ANKRD11: variants seen among roughly 807,000 people sequenced by gnomAD.
ANKRD11 encodes the protein ankyrin repeat domain 11, also known as ankyrin repeat domain-containing protein 11.
In ANKRD11, 17 loss-of-function variants were observed where a neutral mutation model predicts 195.7. The observed-to-expected ratio is 0.09, with a 90% CI of 0.06 to 0.13. The LOEUF is 0.13. ANKRD11 is among the 10% of genes least tolerant of loss of function. ANKRD11 has a pLI of 1.00. For missense variants in ANKRD11, 3,735 were observed against 3,566.1 expected, an observed-to-expected ratio of 1.05 and a Z score of -1.21; for synonymous variants, 1,953 against 1,528.1, an observed-to-expected ratio of 1.28 and a Z score of -6.49.
chr16:89,345,154 A>G (rs983625083), intron 2 of ANKRD11, among the ~76,000 whole-genome samples: 1 of 152,298 alleles, frequency 6.6e-6, no homozygotes, highest in Admixed American at 6.5e-5. Flanking sequence ...GGAAAAGGCA[A>G]ACTCCCAACA....
intron 2 of ANKRD11, among the ~76,000 whole-genome samples, chr16:89,356,340 T>C (rs2039471061): frequency 6.6e-6 from 1 of 150,858 alleles, no homozygotes; most frequent in South Asian, 2.1e-4. Flanking sequence ...AGCCATCCGC[T>C]GAGGTGAGAA....
At chr16:89,317,141 A>C in intron 2 of ANKRD11, 63 bp from the exon 3 acceptor site, 1 of 1,078,272 alleles carries the variant, frequency 9.3e-7, no homozygotes, top group Non-Finnish European at 1.4e-6. Flanking sequence ...ATCCACTCTC[A>C]CACCGCACTC....
chr16:89,360,928 CT>C (rs1190268860), intron 2 of ANKRD11, among the ~76,000 whole-genome samples: 1 of 152,186 alleles, frequency 6.6e-6, no homozygotes. Context: ...TGCACTGAGC[CT>C]GTGTCGGGAC....
intron 1 of ANKRD11, among the ~76,000 whole-genome samples, chr16:89,477,194 CTT>C (rs398030125): frequency 3.5e-4 from 50 of 142,208 alleles, no homozygotes; most frequent in Middle Eastern, 3.6e-3. Flanking sequence ...GTCATTTCCC[CTT>C]TTTTTTTTTT....
chr16:89,441,731 C>T (rs1011187213), intron 1 of ANKRD11, among the ~76,000 whole-genome samples: 27 of 135,072 alleles, frequency 2.0e-4, no homozygotes, highest in African/African-American at 7.2e-4. Flanking sequence ...CGTGCCACTG[C>T]ACTCCAGCCT....
intron 2 of ANKRD11, among the ~76,000 whole-genome samples, chr16:89,406,065 G>T (rs1309982628): frequency 7.3e-6 from 1 of 136,606 alleles, no homozygotes; most frequent in African/African-American, 2.8e-5. Context: ...AACCAAGATC[G>T]CATAACTGCA....
chr16:89,485,097 T>G (rs1381041607), intron 1 of ANKRD11, among the ~76,000 whole-genome samples: 1 of 152,082 alleles, frequency 6.6e-6, no homozygotes. Context: ...TCTAGGCCCC[T>G]GAAAAATCTC....
At chr16:89,438,426 TCTC>T (rs1022229884) in intron 1 of ANKRD11, among the ~76,000 whole-genome samples, 15 of 152,026 alleles carry the variant, frequency 9.9e-5, no homozygotes, top group African/African-American at 3.4e-4. Context: ...TTCAAGCAAT[TCTC>T]CTGTCTCACC....
At chr16:89,303,107 C>A (rs1597539908) in intron 4 of ANKRD11, among the ~76,000 whole-genome samples, 2 of 152,314 alleles carry the variant, frequency 1.3e-5, no homozygotes, top group East Asian at 3.9e-4. Flanking sequence ...CACCAGGTAG[C>A]CCTGGGAACG....
At position 89,280,431 on chromosome 16, in the gene ANKRD11, G is replaced by A. The variant is rs376468392; in HGVS notation, c.6111C>T (p.Val2037=). The A allele has an allele frequency of 1.9e-6, 3 of 1,579,854 alleles. No homozygotes were observed. Among genetic ancestry groups the A allele is most frequent in the African/African-American group, 1.4e-5 (1 of 73,960 alleles). The part of the protein sequence containing the change: ...LPVAEPGLED[V]KDGVDAVPAA... ...CGGGGACGGCGTCCACTCCGTCCTT[G>A]ACGTCCTCCAGCCCCGGCTCAGCGA... is the stretch of plus-strand genomic sequence containing the variant. The change falls in exon 9 of 13, where the codon GTC becomes GTT. Residue 2037 remains valine (V), a synonymous_variant. Coordinates refer to ENST00000301030, the MANE Select transcript of ANKRD11 (RefSeq NM_013275.6).
chr16:89,451,685 G>A (rs939086651), intron 1 of ANKRD11, among the ~76,000 whole-genome samples: 16 of 152,104 alleles, frequency 1.1e-4, no homozygotes, highest in Admixed American at 9.8e-4. Flanking sequence ...CCAAAGTGCT[G>A]GGATTACAGG....
intron 2 of ANKRD11, among the ~76,000 whole-genome samples, chr16:89,415,112 C>T (rs1469058767): frequency 1.3e-5 from 2 of 151,950 alleles, no homozygotes; most frequent in Non-Finnish European, 2.9e-5. Context: ...TGCCACCATG[C>T]CTGGCTCATT....
At chr16:89,456,492 A>T (rs1271592709) in intron 1 of ANKRD11, among the ~76,000 whole-genome samples, 2 of 151,632 alleles carry the variant, frequency 1.3e-5, no homozygotes, top group Non-Finnish European at 2.9e-5. Flanking sequence ...AGGTTGCAGC[A>T]AGCCGAGATC....
rs200883649 is a variant in ANKRD11 at position 89,283,572 on chromosome 16, G to T, written c.2970C>A (p.Asp990Glu). Residue 990 changes from aspartate to glutamate, a missense_variant, in exon 9 of 13, where the codon GAC (aspartate) becomes GAA (glutamate). Coordinates refer to ENST00000301030, the MANE Select transcript of ANKRD11 (RefSeq NM_013275.6). The surrounding 1 kb of genome is among the most constrained non-coding windows in gnomAD (Gnocchi z 4.3). ...GCESGFKDKS[D>E]GDFGKGLEPW... ...GCTCCAGGCCCTTCCCAAAGTCGCC[G>T]TCGGACTTGTCCTTGAAGCCACTCT... 1 of 1,610,638 alleles carries T rather than the reference G, an allele frequency of 6.2e-7. No homozygotes were observed. Among genetic ancestry groups the T allele is most frequent in the Non-Finnish European group, 8.5e-7 (1 of 1,180,014 alleles).
chr16:89,318,653 G>A lies in ANKRD11; in HGVS notation c.-59-1575C>T, dbSNP rs541479540. On this transcript the variant is annotated intron_variant, in intron 2 of 12. Coordinates refer to ENST00000301030, the MANE Select transcript of ANKRD11 (RefSeq NM_013275.6). ...TGCATGCCACCTGCCCCTGGACGCA[G>A]GCTTGGCTGAGACCACAAGATGCTT... 7.5e-4 allele frequency among the ~76,000 whole-genome samples: 114 copies of A among 152,352 alleles called. 1 individual carries two copies. The highest frequency in any genetic ancestry group is 2.6e-3 in the African/African-American group (108 of 41,582).
At position 89,291,833 on chromosome 16, in the gene ANKRD11, C is replaced by T; in HGVS notation, c.227-650G>A. ...ACACGGTGTGAGAGCTCGGCTGTTTCCACCTCAGCCTCCTCGTAACAAGCA... is the reference window on the plus strand; with the variant it reads ...ACACGGTGTGAGAGCTCGGCTGTTTTCACCTCAGCCTCCTCGTAACAAGCA... On this transcript the variant is annotated intron_variant, in intron 4 of 12. Transcript: ENST00000301030. This position sits in a 1 kb window ranked among gnomAD's most constrained non-coding sequence, Gnocchi z 5.3. 1 of 1,197,816 alleles carries T rather than the reference C, an allele frequency of 8.3e-7. No individual in the cohort carries two copies. The highest frequency in any genetic ancestry group is 1.1e-6 in the Non-Finnish European group (1 of 905,836). The allele number at this position is 1,197,816 out of a possible 1,614,324, so 74.2% of individuals were successfully genotyped here. A position where few individuals can be genotyped will look rare whatever the true frequency, so the allele number is the denominator to read the frequency against.
Position 89,288,686 on chromosome 16 carries a change from C to G in ANKRD11, c.602-16G>C. 1 of 1,613,994 alleles carries G rather than the reference C, an allele frequency of 6.2e-7. No individual in the cohort carries two copies. The highest frequency in any genetic ancestry group is 1.7e-4 in the Middle Eastern group (1 of 6,060). ...GCCGTCCAGCCTGGAAACAGACACT[C>G]AGGACGTACGTTATTTAATCCTCAG... On this transcript the variant is annotated splice_polypyrimidine_tract_variant and intron_variant, in intron 6 of 12. Coordinates refer to ENST00000301030, the MANE Select transcript of ANKRD11 (RefSeq NM_013275.6).
intron 1 of ANKRD11, among the ~76,000 whole-genome samples, chr16:89,483,058 C>G (rs769439583): frequency 6.6e-6 from 1 of 152,192 alleles, no homozygotes; most frequent in Admixed American, 6.5e-5. Context: ...AAAACCAACA[C>G]GGGCAGCACT....
At chr16:89,468,568 G>A (rs1469782271) in intron 1 of ANKRD11, among the ~76,000 whole-genome samples, 3 of 152,154 alleles carry the variant, frequency 2.0e-5, no homozygotes, top group Non-Finnish European at 2.9e-5. Context: ...AGCCGAGCGC[G>A]GTGGCACAGG....
Sources: allele counts gnomAD v4.1 joint callset (sites outside exome capture counted in the v4.1 genomes callset), GRCh38; gene constraint gnomAD v4.1.1; non-coding constraint Gnocchi (gnomAD v3.1); transcripts MANE v1.5; gene names NCBI Gene and HGNC (gene_info 2026-07-23, HGNC 2026-07-21).